The following SH3RF1 variants were observed in gnomAD, a reference collection of about 807,000 sequenced individuals.
SH3RF1 encodes SH3 domain containing ring finger 1.
Under a neutral mutation model 74.0 loss-of-function variants are expected in SH3RF1, and 32 were observed. The observed-to-expected ratio is 0.43, with a 90% CI of 0.33 to 0.58. The LOEUF is 0.58. SH3RF1 is among the 20% of genes least tolerant of loss of function. SH3RF1 has a pLI of 0.05. For missense variants in SH3RF1, 954 were observed against 1,130.9 expected (o/e 0.84, Z 2.24); for synonymous variants, 396 against 439.6 (o/e 0.90, Z 1.24).
At chr4:169,223,502 C>T (rs970065422) in intron 2 of SH3RF1, among the ~76,000 whole-genome samples, 1 of 152,142 alleles carries the variant, frequency 6.6e-6, no homozygotes, top group African/African-American at 2.4e-5. Context: ...GAAGAGACAT[C>T]CGCTCACTCA....
intron 10 of SH3RF1, among the ~76,000 whole-genome samples, chr4:169,109,852 T>A (rs1733210157): frequency 7.0e-6 from 1 of 142,826 alleles, no homozygotes; most frequent in African/African-American, 2.6e-5. Flanking sequence ...TCTACAAAAA[T>A]AAAAAAATTA....
intron 2 of SH3RF1, among the ~76,000 whole-genome samples, chr4:169,201,510 T>C (rs1471318441): frequency 1.3e-5 from 2 of 152,218 alleles, no homozygotes; most frequent in Non-Finnish European, 2.9e-5. Flanking sequence ...ACACTGATGT[T>C]TCAGGAATGC....
chr4:169,234,183 T>C (rs1328960545), intron 2 of SH3RF1, among the ~76,000 whole-genome samples: 1 of 152,130 alleles, frequency 6.6e-6, no homozygotes, highest in African/African-American at 2.4e-5. Flanking sequence ...CGTGTGACAA[T>C]GTCAATTTTT....
intron 2 of SH3RF1, among the ~76,000 whole-genome samples, chr4:169,207,836 A>C (rs545607286): frequency 8.5e-5 from 13 of 152,316 alleles, no homozygotes; most frequent in Non-Finnish European, 1.6e-4. Flanking sequence ...AGTTGTTTAT[A>C]CAGGTGCCAC....
intron 2 of SH3RF1, among the ~76,000 whole-genome samples, chr4:169,157,866 A>G (rs913853581): frequency 2.0e-5 from 3 of 151,792 alleles, no homozygotes; most frequent in Non-Finnish European, 4.4e-5. Context: ...TCAGCCTCCC[A>G]AGTAGCTGGG....
intron 2 of SH3RF1, among the ~76,000 whole-genome samples, chr4:169,219,379 T>C (rs1455092947): frequency 6.6e-6 from 1 of 152,200 alleles, no homozygotes; most frequent in African/African-American, 2.4e-5. Context: ...GCTCTGGTAT[T>C]TGGCGTAACA....
chr4:169,226,446 T>C lies in SH3RF1; in HGVS notation c.393+42374A>G, dbSNP rs373918064. Reference sequence around the variant, plus strand: ...CCACAGCAGTGAAAAGCAAAATACATGGAATGTTATAATGAAGAAAAATTT... The same window carrying C: ...CCACAGCAGTGAAAAGCAAAATACACGGAATGTTATAATGAAGAAAAATTT... On this transcript the variant is annotated intron_variant, in intron 2 of 11. Coordinates refer to ENST00000284637, the MANE Select transcript of SH3RF1 (RefSeq NM_020870.4). Among the ~76,000 whole-genome samples, 57 of 148,496 alleles carry C rather than the reference T, an allele frequency of 3.8e-4. No homozygotes were observed. The South Asian group carries it at 0.012, about 31-fold the overall frequency.
intron 2 of SH3RF1, among the ~76,000 whole-genome samples, chr4:169,268,575 A>C (rs989431304): frequency 6.6e-6 from 1 of 152,224 alleles, no homozygotes; most frequent in Non-Finnish European, 1.5e-5. Flanking sequence ...CTTGTTTCCC[A>C]AAATTTATCT....
chr4:169,144,154 C>T (rs1019415454), intron 4 of SH3RF1, among the ~76,000 whole-genome samples: 14 of 152,148 alleles, frequency 9.2e-5, no homozygotes, highest in Admixed American at 3.9e-4. Context: ...GGTTAAAGTG[C>T]TCTGTAACAT....
intron 4 of SH3RF1, among the ~76,000 whole-genome samples, chr4:169,148,035 T>A (rs1288856874): frequency 6.6e-6 from 1 of 152,132 alleles, no homozygotes; most frequent in Non-Finnish European, 1.5e-5. Context: ...AAAGGCAACC[T>A]CAGATATTTA....
chr4:169,254,230 T>C (rs761269643), intron 2 of SH3RF1, among the ~76,000 whole-genome samples: 1 of 152,192 alleles, frequency 6.6e-6, no homozygotes, highest in Non-Finnish European at 1.5e-5. Context: ...TCAAGAAGTA[T>C]TTACTGAACT....
chr4:169,178,058 T>C (rs1734449715), intron 2 of SH3RF1, among the ~76,000 whole-genome samples: 1 of 151,764 alleles, frequency 6.6e-6, no homozygotes, highest in Admixed American at 6.6e-5. Context: ...CTGGCCAACA[T>C]GGTGAAACCC....
intron 2 of SH3RF1, among the ~76,000 whole-genome samples, chr4:169,204,527 G>T (rs1730201780): frequency 6.6e-6 from 1 of 151,164 alleles, no homozygotes; most frequent in African/African-American, 2.4e-5. Context: ...ACTCTTACCT[G>T]GTTATCACAT....
At chr4:169,204,286 C>T (rs1730196389) in intron 2 of SH3RF1, among the ~76,000 whole-genome samples, 1 of 30,156 alleles carries the variant, frequency 3.3e-5, no homozygotes, top group Admixed American at 5.3e-4. Context: ...TTCTTTTAAT[C>T]AAACTAATTC....
intron 2 of SH3RF1, among the ~76,000 whole-genome samples, chr4:169,177,641 C>A (rs923056651): frequency 6.6e-6 from 1 of 152,110 alleles, no homozygotes; most frequent in African/African-American, 2.4e-5. Flanking sequence ...TAATTAGGCA[C>A]ATTTCAACTA....
chr4:169,155,377 G>C (rs1376214327), intron 4 of SH3RF1, 103 bp downstream of exon 4: 4 of 788,626 alleles, frequency 5.1e-6, no homozygotes, highest in Non-Finnish European at 8.5e-6. Flanking sequence ...GGCATTCCTG[G>C]TGCTTTTTGT....
At chr4:169,203,288 TG>T (rs1734940242) in intron 2 of SH3RF1, among the ~76,000 whole-genome samples, 1 of 152,138 alleles carries the variant, frequency 6.6e-6, no homozygotes, top group Non-Finnish European at 1.5e-5. Flanking sequence ...CGGTGGCTTA[TG>T]CCTGTAATCC....
At chr4:169,235,139 T>C (rs1225291965) in intron 2 of SH3RF1, among the ~76,000 whole-genome samples, 1 of 152,202 alleles carries the variant, frequency 6.6e-6, no homozygotes, top group East Asian at 1.9e-4. Context: ...ATGTTGATAT[T>C]CTTAAAATAG....
intron 8 of SH3RF1, 52 bp downstream of exon 8, chr4:169,120,767 G>A: frequency 6.3e-7 from 1 of 1,580,242 alleles, no homozygotes; most frequent in Non-Finnish European, 8.7e-7. Flanking sequence ...CCATGGAAAA[G>A]AACAAAGCTT....
Sources: gnomAD v4.1 joint callset for allele counts (sites outside exome capture counted in the v4.1 genomes callset) on GRCh38, gnomAD v4.1.1 for gene constraint, MANE v1.5 for transcripts, NCBI Gene and HGNC (gene_info 2026-07-23, HGNC 2026-07-21) for gene names.